The following FBRSL1 variants were observed in gnomAD, a reference collection of about 807,000 sequenced individuals.
The protein encoded by FBRSL1 is fibrosin-1-like protein.
FBRSL1 carries 51 observed loss-of-function variants against 89.6 expected under a neutral mutation model. The observed-to-expected ratio is 0.57, with a 90% CI of 0.45 to 0.72. The LOEUF is 0.72. Ranked by LOEUF, FBRSL1 falls within the 30% of genes least tolerant of loss-of-function variation. The pLI is 0.00. For synonymous variants in FBRSL1, 779 were observed against 681.1 expected (o/e 1.14, Z -2.24); for missense variants, 1,618 against 1,451.8 (o/e 1.11, Z -1.86).
At chr12:132,496,202 G>A (rs527918767) in intron 1 of FBRSL1, among the ~76,000 whole-genome samples, 1 of 152,368 alleles carries the variant, frequency 6.6e-6, no homozygotes, top group Non-Finnish European at 1.5e-5. Context: ...GCAGCAGGGA[G>A]TCAGACCCAC....
chr12:132,571,002 C>T, intron 8 of FBRSL1, 66 bp from the exon 9 acceptor site: 2 of 1,226,506 alleles, frequency 1.6e-6, no homozygotes, highest in East Asian at 3.2e-5. Flanking sequence ...GACCAGGATG[C>T]TGGCCTGCGG....
At chr12:132,514,607 GT>G (rs2034666244) in intron 2 of FBRSL1, among the ~76,000 whole-genome samples, 1 of 152,164 alleles carries the variant, frequency 6.6e-6, no homozygotes, top group Non-Finnish European at 1.5e-5. Flanking sequence ...AGGAAGAAGG[GT>G]TTTCATGCTG....
In FBRSL1 at chr12:132,527,381, T is replaced by A. The variant is rs368604885; in HGVS notation, c.580-572T>A. ...GCGTCCCTGTGGGAGCCTCCTCGGG[T>A]TTGGATCCCAGAGCTGCTGCAGGGG... On this transcript the variant is annotated intron_variant, in intron 3 of 18. Coordinates refer to ENST00000680143, the MANE Select transcript of FBRSL1 (RefSeq NM_001367871.1). 3.1e-4 allele frequency among the ~76,000 whole-genome samples: 47 copies of A among 152,266 alleles called. No individual in the cohort carries two copies. The East Asian group carries it at 7.7e-3, about 25-fold the overall frequency.
chr12:132,504,178 C>A (rs567832950), intron 1 of FBRSL1, among the ~76,000 whole-genome samples: 1 of 152,042 alleles, frequency 6.6e-6, no homozygotes, highest in African/African-American at 2.4e-5. Context: ...AGGAGCAGGG[C>A]GTGGCCACCT....
chr12:132,567,947 G>A (rs2039743418), intron 6 of FBRSL1, among the ~76,000 whole-genome samples: 1 of 152,318 alleles, frequency 6.6e-6, no homozygotes, highest in African/African-American at 2.4e-5. Context: ...GTGCAGTGGA[G>A]GGGCCTGGAT....
intron 9 of FBRSL1, 136 bp from the exon 10 acceptor site, chr12:132,572,152 C>T (rs990098969): frequency 3.3e-5 from 24 of 725,992 alleles, no homozygotes; most frequent in Middle Eastern, 3.0e-4. Flanking sequence ...GAGCCTGGGA[C>T]GGCTGGCCGA....
rs1344615255 is a variant in FBRSL1 at position 132,499,734 on chromosome 12, G to T, written c.292-8419G>T. The stretch of plus-strand genomic sequence containing the variant: ...GGGCTGCAGGGCTGGGGGGTGGGGC[G>T]CTGCGCAGCACCTAAACTCCGTGAG... On this transcript the variant is annotated intron_variant, in intron 1 of 18. Transcript: ENST00000680143. The surrounding 1 kb of genome is among the most constrained non-coding windows in gnomAD (Gnocchi z 4.3). 6.6e-6 allele frequency among the ~76,000 whole-genome samples: 1 copy of T among 152,038 alleles called. No homozygotes were observed. Among genetic ancestry groups the T allele is most frequent in the Non-Finnish European group, 1.5e-5 (1 of 67,978 alleles).
At chr12:132,498,314 C>T (rs780480385) in intron 1 of FBRSL1, among the ~76,000 whole-genome samples, 8 of 152,152 alleles carry the variant, frequency 5.3e-5, no homozygotes, top group Admixed American at 1.3e-4. Context: ...GGGAGGCCTG[C>T]GGGACCCACA....
Position 132,503,319 on chromosome 12 carries a change from TAGG to T in FBRSL1, c.292-4831_292-4829del, listed in dbSNP as rs1250290768. On this transcript the variant is annotated intron_variant, in intron 1 of 18. Transcript: ENST00000680143. ...CCGCAGGACCACATCCTGGAGGCCA[TAGG>T]AGCAGCTGGGCACGACCTGGAGGCC... 2.6e-5 allele frequency among the ~76,000 whole-genome samples: 4 copies of T among 152,244 alleles called. No homozygotes were observed. In the East Asian group the frequency reaches 7.8e-4, roughly 30 times the overall value.
Position 132,556,313 on chromosome 12 carries a change from G to T in FBRSL1, c.645+8281G>T, listed in dbSNP as rs572502037. ...TTGCTCAGAGAGTGCACACCTCTGC[G>T]ACAGACAGAACCTCAGAGTCGTTCC... On this transcript the variant is annotated intron_variant, in intron 5 of 18. Coordinates refer to ENST00000680143, the MANE Select transcript of FBRSL1 (RefSeq NM_001367871.1). Among the ~76,000 whole-genome samples, 6 of 152,168 alleles carry T rather than the reference G, an allele frequency of 3.9e-5. No individual in the cohort carries two copies. In the South Asian group the frequency reaches 1.2e-3, roughly 32 times the overall value.
intron 5 of FBRSL1, among the ~76,000 whole-genome samples, chr12:132,558,966 T>G (rs900768559): frequency 6.6e-6 from 1 of 152,252 alleles, no homozygotes; most frequent in African/African-American, 2.4e-5. Flanking sequence ...AGCTGCGCCC[T>G]CCCTCCCTTA....
rs73477776 is a variant in FBRSL1 at position 132,551,879 on chromosome 12, G to A, written c.645+3847G>A. 1.5e-3 allele frequency: 439 copies of A among 290,092 alleles called. 1 individual carries two copies. The highest frequency in any genetic ancestry group is 8.7e-3 in the African/African-American group (400 of 46,130). The allele number at this position is 290,092 out of a possible 1,614,324, so 18.0% of individuals were successfully genotyped here. On this transcript the variant is annotated intron_variant, in intron 5 of 18. Transcript: ENST00000680143. ...GCGATATGGGACTCCATAGGCAGCC[G>A]CCAGGTGGTGGTGGCCTCGCTCCTC...
intron 16 of FBRSL1, 37 bp downstream of exon 16, chr12:132,581,553 G>A (rs1341350609): frequency 3.2e-6 from 5 of 1,547,108 alleles, no homozygotes; most frequent in Non-Finnish European, 4.4e-6. Context: ...CAGCCTGGCT[G>A]GTTCCTCAGC....
intron 5 of FBRSL1, chr12:132,560,274 G>C (rs71439317): frequency 0.45 from 69,021 of 151,784 alleles, 16,719 homozygotes; most frequent in Middle Eastern, 0.56. Context: ...TGGGACTTTG[G>C]GGGGACAGGG....
intron 5 of FBRSL1, among the ~76,000 whole-genome samples, chr12:132,549,139 G>A (rs1250471372): frequency 1.3e-5 from 2 of 152,162 alleles, no homozygotes; most frequent in South Asian, 2.1e-4. Flanking sequence ...AAGGTAAGTC[G>A]CCGTGGAAGC....
intron 4 of FBRSL1, among the ~76,000 whole-genome samples, chr12:132,538,982 G>A (rs1360762913): frequency 6.6e-6 from 1 of 152,068 alleles, no homozygotes; most frequent in Non-Finnish European, 1.5e-5. Context: ...AGATTCCAGA[G>A]CCTGGATTCA....
chr12:132,505,223 G>A (rs927781301), intron 1 of FBRSL1, among the ~76,000 whole-genome samples: 8 of 152,220 alleles, frequency 5.3e-5, no homozygotes, highest in East Asian at 1.9e-4. Context: ...GAGCGCGGCC[G>A]CTGCTGGTCT....
rs759093497 is a variant in FBRSL1 at position 132,583,232 on chromosome 12, C to T, written c.2463C>T (p.Asp821=). The T allele has an allele frequency of 2.2e-6, 3 of 1,379,392 alleles. No homozygotes were observed. Among genetic ancestry groups the T allele is most frequent in the South Asian group, 1.5e-5 (1 of 67,812 alleles). 85.4% of individuals were successfully genotyped at this position (1,379,392 alleles called of 1,614,324 possible). The part of the protein sequence containing the change: ...DVKVKEERGE[D]EASEPPAGGL... ...AGGTCAAGGAGGAGCGCGGGGAGGA[C>T]GAGGCCTCCGAGCCCCCGGCGGGCG... The change falls in exon 19 of 19, where the codon GAC becomes GAT. Residue 821 remains aspartate (D), a synonymous_variant. Transcript: ENST00000680143.
At chr12:132,513,185 C>G (rs893263523) in intron 2 of FBRSL1, among the ~76,000 whole-genome samples, 2 of 152,250 alleles carry the variant, frequency 1.3e-5, no homozygotes, top group Non-Finnish European at 2.9e-5. Flanking sequence ...ACTCACTTTG[C>G]TGACCAGAAG....
Sources: gnomAD v4.1 joint callset for allele counts (sites outside exome capture counted in the v4.1 genomes callset) on GRCh38, gnomAD v4.1.1 for gene constraint, Gnocchi (gnomAD v3.1) non-coding constraint, MANE v1.5 for transcripts, NCBI Gene and HGNC (gene_info 2026-07-23, HGNC 2026-07-21) for gene names.